The following PIGK variants were observed in gnomAD, a reference collection of about 807,000 sequenced individuals.
The protein encoded by PIGK is GPI-anchor transamidase.
Under a neutral mutation model 50.6 loss-of-function variants are expected in PIGK, and 42 were observed. The ratio of observed to expected loss-of-function variants is 0.83; its 90% CI spans 0.65 to 1.07. The LOEUF (loss-of-function observed/expected upper bound fraction) is 1.07, where lower values mean the gene tolerates loss of function less well. Among genes scored for constraint, PIGK ranks in the 50% least tolerant of loss-of-function variants. The pLI, the probability that PIGK is intolerant of heterozygous loss-of-function variation, is 0.00. For synonymous variants in PIGK, 151 were observed against 156.0 expected (o/e 0.97, Z 0.24); for missense variants, 448 against 488.7 (o/e 0.92, Z 0.78).
At chr1:77,107,146 A>G (rs377671630) in intron 10 of PIGK, among the ~76,000 whole-genome samples, 11 of 150,892 alleles carry the variant, frequency 7.3e-5, no homozygotes, top group Non-Finnish European at 1.0e-4. Context: ...GAATGTGTTT[A>G]CTCTTGCTTC....
intron 9 of PIGK, among the ~76,000 whole-genome samples, chr1:77,139,868 T>C (rs144376584): frequency 5.5e-4 from 84 of 152,318 alleles, no homozygotes; most frequent in African/African-American, 1.8e-3. Context: ...TTCTTTATTA[T>C]TAACTTCAAA....
intron 1 of PIGK, among the ~76,000 whole-genome samples, chr1:77,214,461 C>A (rs551827518): frequency 6.6e-6 from 1 of 151,986 alleles, no homozygotes; most frequent in Non-Finnish European, 1.5e-5. Flanking sequence ...CATCCCCTCA[C>A]GATAAAAACT....
chr1:77,186,878 T>C (rs983875975), intron 3 of PIGK, among the ~76,000 whole-genome samples: 1 of 152,222 alleles, frequency 6.6e-6, no homozygotes, highest in African/African-American at 2.4e-5. Context: ...ATTAGGCAGC[T>C]ACCTGGTGGC....
intron 10 of PIGK, among the ~76,000 whole-genome samples, chr1:77,113,118 C>G (rs951060084): frequency 2.6e-5 from 4 of 151,730 alleles, no homozygotes; most frequent in African/African-American, 9.7e-5. Context: ...TTATTAAAAT[C>G]AAAATCTACT....
chr1:77,132,417 T>A (rs68193990), intron 9 of PIGK, among the ~76,000 whole-genome samples: 1 of 151,898 alleles, frequency 6.6e-6, no homozygotes, highest in East Asian at 1.9e-4. Flanking sequence ...CCTTGGACAT[T>A]AGAACACCCA....
chr1:77,175,171 C>A (rs188936285), intron 3 of PIGK, among the ~76,000 whole-genome samples: 2 of 152,218 alleles, frequency 1.3e-5, no homozygotes, highest in African/African-American at 2.4e-5. Flanking sequence ...GCTTTAAGGT[C>A]ATAAACTGCT....
At chr1:77,177,722 T>C (rs1655519201) in intron 3 of PIGK, among the ~76,000 whole-genome samples, 1 of 152,144 alleles carries the variant, frequency 6.6e-6, no homozygotes. Context: ...TCTCCCCGAC[T>C]GAGCTGGTCT....
intron 9 of PIGK, among the ~76,000 whole-genome samples, chr1:77,123,475 A>G (rs1654151193): frequency 6.6e-6 from 1 of 152,136 alleles, no homozygotes; most frequent in Non-Finnish European, 1.5e-5. Flanking sequence ...CCTCTTATCT[A>G]GGTAAAAGTT....
At chr1:77,210,395 T>G (rs1483361298) in intron 2 of PIGK, 41 bp downstream of exon 2, 1 of 1,243,402 alleles carries the variant, frequency 8.0e-7, no homozygotes, top group Non-Finnish European at 1.1e-6. Flanking sequence ...CAGATACATA[T>G]CTAATGTGAA....
At chr1:77,146,810 A>C (rs1654779944) in intron 9 of PIGK, among the ~76,000 whole-genome samples, 1 of 151,596 alleles carries the variant, frequency 6.6e-6, no homozygotes, top group African/African-American at 2.4e-5. Flanking sequence ...AAAAAAAAGT[A>C]AAAGAAAAAT....
chr1:77,100,748 T>A (rs1653522300), intron 10 of PIGK, among the ~76,000 whole-genome samples: 1 of 152,142 alleles, frequency 6.6e-6, no homozygotes. Context: ...GATAGATATA[T>A]TCGAAGTAGC....
chr1:77,099,261 CAA>C (rs1653489301), intron 10 of PIGK, among the ~76,000 whole-genome samples: 1 of 152,082 alleles, frequency 6.6e-6, no homozygotes, highest in South Asian at 2.1e-4. Flanking sequence ...TTTCCTATAA[CAA>C]TATTCAAAGA....
intron 1 of PIGK, among the ~76,000 whole-genome samples, chr1:77,217,461 T>C (rs186231163): frequency 1.3e-5 from 2 of 152,078 alleles, no homozygotes; most frequent in African/African-American, 2.4e-5. Flanking sequence ...AAGAAAAAAT[T>C]TGAAGTGTAG....
chr1:77,154,351 T>C lies in PIGK; in HGVS notation c.986+98A>G, dbSNP rs1654959661. On this transcript the variant is annotated intron_variant, in intron 9 of 10. Coordinates refer to ENST00000370812, the MANE Select transcript of PIGK (RefSeq NM_005482.3). ...ACTGGGTATAAATGTGTAATTTTATTTACAAACACCAACTTTTGCCTCTTA... is the reference window on the plus strand; with the variant it reads ...ACTGGGTATAAATGTGTAATTTTATCTACAAACACCAACTTTTGCCTCTTA... 3 of 839,756 alleles carry C rather than the reference T, an allele frequency of 3.6e-6. No individual in the cohort carries two copies. The Admixed American group carries it at 7.7e-5, about 22-fold the overall frequency. The allele number at this position is 839,756 out of a possible 1,614,324, so 52.0% of individuals were successfully genotyped here. A position where few individuals can be genotyped will look rare whatever the true frequency, so the allele number is the denominator to read the frequency against.
chr1:77,095,126 T>G (rs189182765), intron 10 of PIGK, among the ~76,000 whole-genome samples: 3 of 152,162 alleles, frequency 2.0e-5, no homozygotes, highest in South Asian at 2.1e-4. Context: ...AAATGCATTA[T>G]GAACTAAATG....
intron 9 of PIGK, among the ~76,000 whole-genome samples, chr1:77,137,966 T>C (rs1051000359): frequency 5.3e-5 from 8 of 152,198 alleles, no homozygotes; most frequent in Non-Finnish European, 1.0e-4. Context: ...AAGTCATATA[T>C]CTAATGTTCT....
chr1:77,185,131 G>A (rs932655550), intron 3 of PIGK, among the ~76,000 whole-genome samples: 2 of 152,292 alleles, frequency 1.3e-5, no homozygotes, highest in Non-Finnish European at 2.9e-5. Context: ...CCACTGATTC[G>A]GCAAATACCT....
chr1:77,116,560 CTCTGTGTG>C (rs1216347118), intron 10 of PIGK, among the ~76,000 whole-genome samples: 1 of 103,806 alleles, frequency 9.6e-6, no homozygotes, highest in South Asian at 3.4e-4. Flanking sequence ...TTAAATGTGT[CTCTGTGTG>C]TGTGTGTGTG....
In PIGK at chr1:77,142,567, T is replaced by C. The variant is rs113661567; in HGVS notation, c.986+11882A>G. 4.7e-3 allele frequency among the ~76,000 whole-genome samples: 721 copies of C among 152,254 alleles called. 4 individuals are homozygous for C. Among genetic ancestry groups the C allele is most frequent in the Middle Eastern group, 0.027 (8 of 294 alleles). ...TAATTTATAAAGGAAAGCATTTTAATTGACTCACACTTCCACATGGCTGGG... is the reference window on the plus strand; with the variant it reads ...TAATTTATAAAGGAAAGCATTTTAACTGACTCACACTTCCACATGGCTGGG... On this transcript the variant is annotated intron_variant, in intron 9 of 10. Coordinates refer to ENST00000370812, the MANE Select transcript of PIGK (RefSeq NM_005482.3).
Sources: gnomAD v4.1 joint callset for allele counts (sites outside exome capture counted in the v4.1 genomes callset) on GRCh38, gnomAD v4.1.1 for gene constraint, MANE v1.5 for transcripts, NCBI Gene and HGNC (gene_info 2026-07-23, HGNC 2026-07-21) for gene names.